ANKS1B: variants seen among roughly 807,000 people sequenced by gnomAD.
The protein encoded by ANKS1B is ankyrin repeat and sterile alpha motif domain-containing protein 1B.
A neutral mutation model predicts 148.3 loss-of-function variants in ANKS1B; 36 were observed. The observed-to-expected ratio is 0.24, with a 90% CI of 0.19 to 0.32. ANKS1B has a LOEUF of 0.32. Among genes scored for constraint, ANKS1B ranks in the 10% least tolerant of loss-of-function variants. The pLI, the probability that ANKS1B is intolerant of heterozygous loss-of-function variation, is 1.00. For missense variants in ANKS1B, 1,157 were observed against 1,542.6 expected (o/e 0.75, Z 4.19); for synonymous variants, 542 against 560.8 (o/e 0.97, Z 0.47).
Position 98,769,819 on chromosome 12 carries a change from C to T in ANKS1B, c.3579+3223G>A, listed in dbSNP as rs531008184. On this transcript the variant is annotated intron_variant, in intron 25 of 26. Coordinates refer to ENST00000683438, the MANE Select transcript of ANKS1B (RefSeq NM_001352186.2). ...GCTGCAATACTTAGGAAAAAGGTGG[C>T]GTTCATCCTGAAAAGTATCAGAATA... Among the ~76,000 whole-genome samples, 15 of 152,240 alleles carry T rather than the reference C, an allele frequency of 9.9e-5. No individual in the cohort carries two copies. The South Asian group carries it at 1.7e-3, about 17-fold the overall frequency.
chr12:99,179,043 T>C (rs2078769666), intron 14 of ANKS1B, among the ~76,000 whole-genome samples: 1 of 152,192 alleles, frequency 6.6e-6, no homozygotes, highest in Non-Finnish European at 1.5e-5. Flanking sequence ...GGCTATAACA[T>C]TCATTTCTAT....
intron 17 of ANKS1B, among the ~76,000 whole-genome samples, chr12:98,915,357 C>T (rs1253816917): frequency 8.3e-6 from 1 of 120,080 alleles, no homozygotes; most frequent in African/African-American, 4.9e-5. Context: ...AACTGTGAGA[C>T]AGAATTTTTT....
chr12:99,469,258 G>T (rs1261057961), intron 10 of ANKS1B, among the ~76,000 whole-genome samples: 1 of 138,726 alleles, frequency 7.2e-6, no homozygotes, highest in Non-Finnish European at 1.5e-5. Context: ...CATGGACACA[G>T]GAAGGGGAAC....
chr12:99,492,636 T>C (rs536928646), intron 10 of ANKS1B, among the ~76,000 whole-genome samples: 10 of 152,268 alleles, frequency 6.6e-5, no homozygotes, highest in Non-Finnish European at 1.2e-4. Flanking sequence ...TTAACATTGA[T>C]GCAAAAATCC....
intron 16 of ANKS1B, among the ~76,000 whole-genome samples, chr12:99,070,761 C>G (rs1272842102): frequency 6.6e-6 from 1 of 152,200 alleles, no homozygotes; most frequent in East Asian, 1.9e-4. Context: ...TCTCTGCTCT[C>G]TAACTGCTGA....
At chr12:99,819,385 C>A (rs11110060) in intron 2 of ANKS1B, among the ~76,000 whole-genome samples, 32,410 of 151,502 alleles carry the variant, frequency 0.21, 4,251 homozygotes, top group East Asian at 0.6. Flanking sequence ...CTTCAGAGAC[C>A]AGATTATACA....
chr12:99,054,785 T>G (rs2153537015), intron 16 of ANKS1B, among the ~76,000 whole-genome samples: 3 of 152,260 alleles, frequency 2.0e-5, no homozygotes, highest in Middle Eastern at 6.8e-3. Flanking sequence ...CTCAAGTGAT[T>G]CACCTGCCTT....
At chr12:99,788,826 A>G (rs1372468364) in intron 4 of ANKS1B, among the ~76,000 whole-genome samples, 3 of 152,128 alleles carry the variant, frequency 2.0e-5, no homozygotes, top group African/African-American at 7.2e-5. Context: ...AGTGACCTAG[A>G]AGAACCCTCG....
intron 10 of ANKS1B, among the ~76,000 whole-genome samples, chr12:99,453,413 G>A (rs1460120394): frequency 6.6e-6 from 1 of 152,190 alleles, no homozygotes; most frequent in Non-Finnish European, 1.5e-5. Context: ...TTGCACTGAG[G>A]AAAGCAAGTA....
At chr12:98,878,705 T>C (rs1026032696) in intron 17 of ANKS1B, among the ~76,000 whole-genome samples, 2 of 152,170 alleles carry the variant, frequency 1.3e-5, no homozygotes, top group Admixed American at 6.5e-5. Flanking sequence ...TGCGATCACT[T>C]TGGGGAAACC....
At chr12:98,876,516 T>C (rs1377043141) in intron 17 of ANKS1B, among the ~76,000 whole-genome samples, 2 of 152,252 alleles carry the variant, frequency 1.3e-5, no homozygotes, top group East Asian at 1.9e-4. Context: ...TCCCACGTTA[T>C]GGGCCTTACA....
chr12:98,877,160 A>G (rs1366326917), intron 17 of ANKS1B, among the ~76,000 whole-genome samples: 1 of 152,220 alleles, frequency 6.6e-6, no homozygotes, highest in Non-Finnish European at 1.5e-5. Flanking sequence ...ATTTTGGTCT[A>G]CCTGCAGCCT....
At chr12:98,841,183 A>G (rs1487520751) in intron 17 of ANKS1B, among the ~76,000 whole-genome samples, 3 of 152,190 alleles carry the variant, frequency 2.0e-5, no homozygotes, top group Non-Finnish European at 4.4e-5. Flanking sequence ...ATATTGTGTG[A>G]CTGATGCTCT....
intron 12 of ANKS1B, among the ~76,000 whole-genome samples, chr12:99,356,602 T>C (rs2092007729): frequency 6.6e-6 from 1 of 152,132 alleles, no homozygotes; most frequent in Non-Finnish European, 1.5e-5. Context: ...GAGTATAAAT[T>C]TGCAGATGAG....
At chr12:98,860,225 A>C (rs1315260949) in intron 17 of ANKS1B, among the ~76,000 whole-genome samples, 1 of 152,264 alleles carries the variant, frequency 6.6e-6, no homozygotes, top group Non-Finnish European at 1.5e-5. Flanking sequence ...CATACACTGA[A>C]ATATATTCTA....
chr12:99,846,950 T>C (rs560117203), intron 1 of ANKS1B, among the ~76,000 whole-genome samples: 3 of 152,110 alleles, frequency 2.0e-5, no homozygotes, highest in Non-Finnish European at 2.9e-5. Context: ...CTGGGTTTCC[T>C]TCCCAAAGTT....
At chr12:99,075,434 AAC>A (rs1638507261) in intron 16 of ANKS1B, among the ~76,000 whole-genome samples, 1 of 152,188 alleles carries the variant, frequency 6.6e-6, no homozygotes, top group African/African-American at 2.4e-5. Context: ...AAATAAATTT[AAC>A]AGTGTTAAAC....
intron 10 of ANKS1B, among the ~76,000 whole-genome samples, chr12:99,472,028 A>G (rs1401108621): frequency 6.6e-6 from 1 of 152,156 alleles, no homozygotes; most frequent in East Asian, 1.9e-4. Context: ...TAATTTTTAC[A>G]TGGAATGACA....
At chr12:99,042,137 T>C (rs1393004598) in intron 17 of ANKS1B, among the ~76,000 whole-genome samples, 1 of 152,178 alleles carries the variant, frequency 6.6e-6, no homozygotes, top group Non-Finnish European at 1.5e-5. Flanking sequence ...TTCCCTACTC[T>C]CAAGCTATTT....
Sources: gnomAD v4.1 joint callset for allele counts (sites outside exome capture counted in the v4.1 genomes callset) on GRCh38, gnomAD v4.1.1 for gene constraint, MANE v1.5 for transcripts, NCBI Gene and HGNC (gene_info 2026-07-23, HGNC 2026-07-21) for gene names.